PDE1A: variants seen among roughly 807,000 people sequenced by gnomAD.
PDE1A encodes dual specificity calcium/calmodulin-dependent 3',5'-cyclic nucleotide phosphodiesterase 1A.
In PDE1A, 35 loss-of-function variants were observed where a neutral mutation model predicts 61.7. The ratio of observed to expected loss-of-function variants is 0.57; its 90% CI spans 0.43 to 0.75. PDE1A has a LOEUF of 0.75. Among genes scored for constraint, PDE1A ranks in the 30% least tolerant of loss-of-function variants. PDE1A has a pLI of 0.00. For synonymous variants in PDE1A, 232 were observed against 213.2 expected (o/e 1.09, Z -0.77); for missense variants, 597 against 630.6 (o/e 0.95, Z 0.57).
At chr2:182,430,181 G>T (rs1703861072), upstream of PDE1A, among the ~76,000 whole-genome samples, 1 of 150,680 alleles carries the variant, frequency 6.6e-6, no homozygotes, top group African/African-American at 2.4e-5. Flanking sequence ...CCTACAACAT[G>T]GGAGAAAATT....
the PDE1A span, among the ~76,000 whole-genome samples, chr2:182,696,639 A>G: frequency 6.6e-6 from 1 of 152,336 alleles, no homozygotes; most frequent in South Asian, 2.1e-4. Context: ...TGATATGTCA[A>G]TGCAGGTTCA....
chr2:182,517,820 ACT>A (rs1690303988), intron 2 of PDE1A, among the ~76,000 whole-genome samples: 1 of 152,098 alleles, frequency 6.6e-6, no homozygotes, highest in Admixed American at 6.5e-5. Context: ...CCTGCTGCCC[ACT>A]AAATGCAGAA....
chr2:182,247,275 T>C (rs751872721), intron 2 of PDE1A, among the ~76,000 whole-genome samples: 1 of 152,218 alleles, frequency 6.6e-6, no homozygotes, highest in Non-Finnish European at 1.5e-5. Flanking sequence ...GTATGCATTG[T>C]TTATATGCCT....
the PDE1A span, among the ~76,000 whole-genome samples, chr2:182,701,725 G>A: frequency 8.0e-4 from 121 of 152,068 alleles, 1 homozygote; most frequent in Non-Finnish European, 8.7e-4. Flanking sequence ...TACCAGATTT[G>A]TCCCAAACCA....
At chr2:182,449,406 T>C (rs1685363853) in intron 2 of PDE1A, among the ~76,000 whole-genome samples, 1 of 151,582 alleles carries the variant, frequency 6.6e-6, no homozygotes, top group African/African-American at 2.4e-5. Context: ...AACAGCTCCA[T>C]GGAAAAATTC....
At chr2:182,626,792 C>CAT in the PDE1A span, among the ~76,000 whole-genome samples, 2,426 of 8,106 alleles carry the variant, frequency 0.3, 266 homozygotes, top group African/African-American at 0.39. Context: ...CATATATATA[C>CAT]ATATATATAC....
At chr2:182,450,597 T>G (rs1233949809) in intron 2 of PDE1A, among the ~76,000 whole-genome samples, 1 of 151,822 alleles carries the variant, frequency 6.6e-6, no homozygotes, top group Non-Finnish European at 1.5e-5. Flanking sequence ...GAAAATTCCC[T>G]GCAGTTTGAT....
chr2:182,503,750 G>A (rs1458972018), intron 2 of PDE1A, among the ~76,000 whole-genome samples: 4 of 152,034 alleles, frequency 2.6e-5, no homozygotes, highest in Admixed American at 1.3e-4. Context: ...TTGCTGTACC[G>A]TTTTATTAAA....
the PDE1A span, among the ~76,000 whole-genome samples, chr2:182,702,226 C>T: frequency 6.6e-6 from 1 of 152,150 alleles, no homozygotes; most frequent in Non-Finnish European, 1.5e-5. Context: ...GCCTCAGCCT[C>T]CCAAGTAGCT....
At chr2:182,295,135 C>A (rs1035467115) in intron 1 of PDE1A, among the ~76,000 whole-genome samples, 1 of 117,282 alleles carries the variant, frequency 8.5e-6, no homozygotes, top group African/African-American at 3.3e-5. Flanking sequence ...ACTGCAGTGG[C>A]GCAATCTCGG....
At chr2:182,168,554 T>C (rs1446304027) in intron 13 of PDE1A, among the ~76,000 whole-genome samples, 2 of 152,090 alleles carry the variant, frequency 1.3e-5, no homozygotes, top group African/African-American at 4.8e-5. Context: ...TATTTTTTAC[T>C]CTACTTGAAT....
the PDE1A span, among the ~76,000 whole-genome samples, chr2:182,690,991 C>T: frequency 1.3e-5 from 2 of 151,986 alleles, no homozygotes; most frequent in African/African-American, 4.8e-5. Context: ...AGGACCTCTT[C>T]AAGGAGATCT....
chr2:182,201,465 C>T (rs147989438), exon 10 of PDE1A: 4 of 1,613,916 alleles, frequency 2.5e-6, no homozygotes, highest in African/African-American at 2.7e-5. Context: ...TCCATTAGGG[C>T]CATGGTCCAC....
upstream of PDE1A, among the ~76,000 whole-genome samples, chr2:182,429,505 G>C (rs1703815245): frequency 6.6e-6 from 1 of 151,894 alleles, no homozygotes; most frequent in East Asian, 1.9e-4. Flanking sequence ...TCCTGTTGTG[G>C]AAAAACAAAG....
chr2:182,373,035 A>G (rs1166677569), intron 1 of PDE1A, among the ~76,000 whole-genome samples: 1 of 152,200 alleles, frequency 6.6e-6, no homozygotes, highest in Non-Finnish European at 1.5e-5. Context: ...TGACAAGGAG[A>G]AATTGTTGAG....
At chr2:182,471,383 T>TA (rs1687019042) in intron 2 of PDE1A, among the ~76,000 whole-genome samples, 1 of 151,798 alleles carries the variant, frequency 6.6e-6, no homozygotes, top group Non-Finnish European at 1.5e-5. Context: ...ATACACAGTA[T>TA]AATTATTGAT....
the PDE1A span, among the ~76,000 whole-genome samples, chr2:182,659,112 A>C: frequency 1.3e-5 from 2 of 152,110 alleles, no homozygotes; most frequent in Non-Finnish European, 2.9e-5. Flanking sequence ...TATACCATCC[A>C]TCTCTCTATT....
chr2:182,226,261 A>C (rs1165186050), intron 6 of PDE1A, among the ~76,000 whole-genome samples: 2 of 150,032 alleles, frequency 1.3e-5, no homozygotes, highest in East Asian at 3.9e-4. Flanking sequence ...GGAATTAATT[A>C]GTGATTGACT....
At chr2:182,633,959 T>C in the PDE1A span, among the ~76,000 whole-genome samples, 1 of 151,940 alleles carries the variant, frequency 6.6e-6, no homozygotes, top group African/African-American at 2.4e-5. Flanking sequence ...AGTGGTGGTG[T>C]GCGCCTGTAG....
Sources: gnomAD v4.1 joint callset for allele counts (sites outside exome capture counted in the v4.1 genomes callset) on GRCh38, gnomAD v4.1.1 for gene constraint, MANE v1.5 for transcripts, NCBI Gene and HGNC (gene_info 2026-07-23, HGNC 2026-07-21) for gene names.